The following MAGI2 variants were observed in gnomAD, a reference collection of about 807,000 sequenced individuals.
MAGI2 encodes the protein membrane-associated guanylate kinase, WW and PDZ domain-containing protein 2.
A neutral mutation model predicts 133.3 loss-of-function variants in MAGI2; 35 were observed. That is an observed-to-expected ratio of 0.26 (90% CI 0.20 to 0.35). The LOEUF is 0.35. Ranked by LOEUF, MAGI2 falls within the 10% of genes least tolerant of loss-of-function variation. The pLI is 1.00. For missense variants in MAGI2, 1,636 were observed against 1,863.4 expected (o/e 0.88, Z 2.25); for synonymous variants, 729 against 710.6 (o/e 1.03, Z -0.41).
At chr7:79,036,580 A>G (rs1811147452) in intron 1 of MAGI2, among the ~76,000 whole-genome samples, 1 of 152,222 alleles carries the variant, frequency 6.6e-6, no homozygotes, top group South Asian at 2.1e-4. Flanking sequence ...AGTTATAGCT[A>G]GATCAAAAAT....
At chr7:78,719,425 C>G (rs1322543485) in intron 2 of MAGI2, among the ~76,000 whole-genome samples, 1 of 152,042 alleles carries the variant, frequency 6.6e-6, no homozygotes, top group Non-Finnish European at 1.5e-5. Flanking sequence ...ATTGTGTTGG[C>G]AAGTTTAGTA....
At chr7:78,608,647 T>C (rs544874512) in intron 3 of MAGI2, among the ~76,000 whole-genome samples, 6 of 152,258 alleles carry the variant, frequency 3.9e-5, no homozygotes, top group Admixed American at 3.9e-4. Context: ...TAGTCCCTGG[T>C]ATGCCTATGT....
intron 2 of MAGI2, among the ~76,000 whole-genome samples, chr7:78,857,877 T>G (rs1042453048): frequency 2.0e-5 from 3 of 152,220 alleles, no homozygotes; most frequent in Non-Finnish European, 1.5e-5. Context: ...TGATTCCGTC[T>G]GGTCCTGGAT....
Position 78,443,939 on chromosome 7 carries a change from T to C in MAGI2, c.1045+45822A>G, listed in dbSNP as rs373492923. ...AAGGAGTAGTTGTGGGAGGAGAATA[T>C]TCTTCAGAGATTTTCTTTATGTTCT... On this transcript the variant is annotated intron_variant, in intron 6 of 21. Coordinates refer to ENST00000354212, the MANE Select transcript of MAGI2 (RefSeq NM_012301.4). Among the ~76,000 whole-genome samples the C allele has an allele frequency of 7.2e-5, 11 of 152,140 alleles. No individual in the cohort carries two copies. In the East Asian group the frequency reaches 1.7e-3, roughly 24 times the overall value.
At chr7:78,436,869 C>A (rs2151445110) in intron 6 of MAGI2, among the ~76,000 whole-genome samples, 1 of 152,292 alleles carries the variant, frequency 6.6e-6, no homozygotes, top group African/African-American at 2.4e-5. Context: ...CTGAGATATG[C>A]ATGGGGCCTG....
At chr7:78,457,614 A>C (rs73150306) in intron 6 of MAGI2, among the ~76,000 whole-genome samples, 34,704 of 152,170 alleles carry the variant, frequency 0.23, 4,036 homozygotes, top group Middle Eastern at 0.31. Flanking sequence ...TAAAAGTAAT[A>C]AAAAGGAGAA....
chr7:79,380,570 T>C (rs2129142302), intron 1 of MAGI2, among the ~76,000 whole-genome samples: 1 of 151,954 alleles, frequency 6.6e-6, no homozygotes, highest in African/African-American at 2.4e-5. Context: ...TTAATCATCC[T>C]AGTGATTTGG....
intron 9 of MAGI2, among the ~76,000 whole-genome samples, chr7:78,332,765 G>A (rs1363841085): frequency 6.6e-6 from 1 of 151,566 alleles, no homozygotes; most frequent in African/African-American, 2.4e-5. Flanking sequence ...CACCCTCACT[G>A]TGAGAGGTCA....
chr7:79,048,895 G>A (rs1297546315), intron 1 of MAGI2, among the ~76,000 whole-genome samples: 1 of 152,200 alleles, frequency 6.6e-6, no homozygotes, highest in Non-Finnish European at 1.5e-5. Flanking sequence ...GGCTGAGGCA[G>A]GAGAATCACT....
Position 78,862,767 on chromosome 7 carries a change from G to A in MAGI2, c.418+144323C>T, listed in dbSNP as rs980462518. Among the ~76,000 whole-genome samples the A allele has an allele frequency of 2.6e-5, 4 of 152,120 alleles. No homozygotes were observed. The South Asian group carries it at 6.2e-4, about 24-fold the overall frequency. On this transcript the variant is annotated intron_variant, in intron 2 of 21. Transcript: ENST00000354212. ...TTTTGTTATGGTCCATTACCATCTG[G>A]GACTAACAGGGCGATTTTGCTACGA...
intron 1 of MAGI2, among the ~76,000 whole-genome samples, chr7:79,433,247 G>A (rs1444339514): frequency 1.3e-5 from 2 of 152,016 alleles, no homozygotes; most frequent in African/African-American, 4.8e-5. Flanking sequence ...GGCAGGAGTA[G>A]GTGAGAGAAA....
intron 11 of MAGI2, among the ~76,000 whole-genome samples, chr7:78,200,565 G>GTGTGTATGTGTGTGTGTATA (rs1265673211): frequency 6.6e-6 from 1 of 152,104 alleles, no homozygotes; most frequent in East Asian, 1.9e-4. Flanking sequence ...ATATACGTGT[G>GTGTGTATGTGTGTGTGTATA]TGTGTATGTG....
At position 78,794,818 on chromosome 7, in the gene MAGI2, T is replaced by C. The variant is rs902344829; in HGVS notation, c.419-167579A>G. On this transcript the variant is annotated intron_variant, in intron 2 of 21. Coordinates refer to ENST00000354212, the MANE Select transcript of MAGI2 (RefSeq NM_012301.4). ...CTATTGGAAATGAGGAGTTAACTTATGTTGGCTACACGCATAACCAAGATC... is the reference window on the plus strand; with the variant it reads ...CTATTGGAAATGAGGAGTTAACTTACGTTGGCTACACGCATAACCAAGATC... Among the ~76,000 whole-genome samples the C allele has an allele frequency of 7.2e-5, 11 of 152,310 alleles. No individual in the cohort carries two copies. In the East Asian group the frequency reaches 7.7e-4, roughly 11 times the overall value.
At chr7:78,474,721 C>G (rs1176369137) in intron 6 of MAGI2, among the ~76,000 whole-genome samples, 1 of 151,730 alleles carries the variant, frequency 6.6e-6, no homozygotes, top group Non-Finnish European at 1.5e-5. Context: ...TAATCTTCTA[C>G]CTGTAGAAGT....
chr7:79,105,251 G>A (rs1406278902), intron 1 of MAGI2, among the ~76,000 whole-genome samples: 1 of 152,174 alleles, frequency 6.6e-6, no homozygotes, highest in Non-Finnish European at 1.5e-5. Flanking sequence ...CCAGCAGAGT[G>A]CAGAATGAAA....
intron 1 of MAGI2, among the ~76,000 whole-genome samples, chr7:79,395,521 C>T (rs1844984682): frequency 6.6e-6 from 1 of 152,126 alleles, no homozygotes; most frequent in African/African-American, 2.4e-5. Context: ...CCACATCTTC[C>T]AGAGAGCCCC....
At chr7:78,754,835 A>G (rs1823793540) in intron 2 of MAGI2, among the ~76,000 whole-genome samples, 1 of 152,236 alleles carries the variant, frequency 6.6e-6, no homozygotes, top group South Asian at 2.1e-4. Flanking sequence ...TCTTAATTTT[A>G]AAACAAATTA....
chr7:78,618,593 AC>A (rs1034818489), intron 3 of MAGI2: 4 of 151,854 alleles, frequency 2.6e-5, no homozygotes, highest in African/African-American at 9.7e-5. Context: ...TGAATTTTTG[AC>A]GTGTTTCAGA....
intron 2 of MAGI2, among the ~76,000 whole-genome samples, chr7:78,811,578 C>G (rs1039138146): frequency 2.6e-5 from 4 of 152,120 alleles, no homozygotes; most frequent in Non-Finnish European, 5.9e-5. Flanking sequence ...AGATTAAAAA[C>G]AAATTTTCGC....
Sources: allele counts gnomAD v4.1 joint callset (sites outside exome capture counted in the v4.1 genomes callset), GRCh38; gene constraint gnomAD v4.1.1; transcripts MANE v1.5; gene names NCBI Gene and HGNC (gene_info 2026-07-23, HGNC 2026-07-21).